Variants in FAM78B observed in about 807,000 individuals in gnomAD.
FAM78B encodes the protein protein FAM78B.
In FAM78B, 10 loss-of-function variants were observed where a neutral mutation model predicts 20.0. That is an observed-to-expected ratio of 0.50 (90% CI 0.31 to 0.85). FAM78B has a LOEUF of 0.85. Among genes scored for constraint, FAM78B ranks in the 40% least tolerant of loss-of-function variants. The pLI, the probability that FAM78B is intolerant of heterozygous loss-of-function variation, is 0.05. For missense variants in FAM78B, 283 were observed against 345.0 expected (o/e 0.82, Z 1.42); for synonymous variants, 135 against 132.8 (o/e 1.02, Z -0.12).
intron 1 of FAM78B, among the ~76,000 whole-genome samples, chr1:166,125,662 C>A (rs1257396764): frequency 6.6e-6 from 1 of 152,082 alleles, no homozygotes; most frequent in Non-Finnish European, 1.5e-5. Flanking sequence ...ATGCACAAAT[C>A]CCATATATAA....
intron 1 of FAM78B, among the ~76,000 whole-genome samples, chr1:166,159,922 C>T (rs1656078882): frequency 6.6e-6 from 1 of 152,230 alleles, no homozygotes; most frequent in South Asian, 2.1e-4. Flanking sequence ...AAAGGGTCAT[C>T]TCCCTTCCAA....
At chr1:166,072,201 C>G (rs1334804108) in intron 1 of FAM78B, among the ~76,000 whole-genome samples, 1 of 152,168 alleles carries the variant, frequency 6.6e-6, no homozygotes, top group African/African-American at 2.4e-5. Context: ...AGCACCCTTA[C>G]TATCACATGG....
At chr1:166,064,401 G>A (rs1651722418), downstream of FAM78B, among the ~76,000 whole-genome samples, 1 of 152,082 alleles carries the variant, frequency 6.6e-6, no homozygotes, top group East Asian at 1.9e-4. Flanking sequence ...AGCTGTTCCT[G>A]GCTGGCTTCT....
chr1:166,091,361 G>A (rs747343683), intron 1 of FAM78B, among the ~76,000 whole-genome samples: 9 of 152,056 alleles, frequency 5.9e-5, no homozygotes, highest in Non-Finnish European at 1.0e-4. Flanking sequence ...TGAATCATGG[G>A]GGCAGGTCTT....
intron 1 of FAM78B, among the ~76,000 whole-genome samples, chr1:166,133,828 G>T (rs1043000893): frequency 6.6e-6 from 1 of 152,048 alleles, no homozygotes; most frequent in East Asian, 1.9e-4. Flanking sequence ...GCCGTGTTTT[G>T]GAACTCCCAT....
intron 1 of FAM78B, among the ~76,000 whole-genome samples, chr1:166,130,215 T>G (rs983217861): frequency 6.6e-6 from 1 of 152,190 alleles, no homozygotes; most frequent in Non-Finnish European, 1.5e-5. Flanking sequence ...ACAGTAAATA[T>G]CAAGCCCATT....
intron 1 of FAM78B, among the ~76,000 whole-genome samples, chr1:166,114,456 G>A (rs527497990): frequency 6.6e-6 from 1 of 152,324 alleles, no homozygotes; most frequent in Non-Finnish European, 1.5e-5. Context: ...AGAAAGTTCT[G>A]TGTGAATACT....
chr1:166,137,809 C>G (rs1655123729), intron 1 of FAM78B, among the ~76,000 whole-genome samples: 1 of 152,208 alleles, frequency 6.6e-6, no homozygotes, highest in South Asian at 2.1e-4. Context: ...AGTAAGGAGT[C>G]TGGGCTCTAT....
chr1:166,071,079 A>C (rs1353416557), intron 1 of FAM78B, among the ~76,000 whole-genome samples: 3 of 152,234 alleles, frequency 2.0e-5, no homozygotes, highest in Admixed American at 2.0e-4. Flanking sequence ...TCAGCAGTTT[A>C]GAGGAATTCC....
chr1:166,074,812 G>A (rs1472533076), intron 1 of FAM78B, among the ~76,000 whole-genome samples: 10 of 152,272 alleles, frequency 6.6e-5, no homozygotes, highest in South Asian at 4.2e-4. Flanking sequence ...GTGACTACTC[G>A]TGCCATCATA....
chr1:166,085,194 C>T (rs1652775564), intron 1 of FAM78B, among the ~76,000 whole-genome samples: 1 of 152,160 alleles, frequency 6.6e-6, no homozygotes, highest in Admixed American at 6.5e-5. Context: ...TAGCACAGAA[C>T]ATCTGCAGTT....
chr1:166,084,205 CCACACACACACACACA>C (rs374157991), intron 1 of FAM78B, among the ~76,000 whole-genome samples: 2 of 121,074 alleles, frequency 1.7e-5, no homozygotes, highest in African/African-American at 3.2e-5. Context: ...GATGTAGAAA[CCACACACACACACACA>C]CACACACACA....
At chr1:166,142,024 G>A (rs1655298310) in intron 1 of FAM78B, among the ~76,000 whole-genome samples, 1 of 152,156 alleles carries the variant, frequency 6.6e-6, no homozygotes, top group South Asian at 2.1e-4. Flanking sequence ...AGAGGTCCCA[G>A]GTGTCCTTGC....
chr1:166,166,380 C>G lies in FAM78B; in HGVS notation c.-132G>C. ...GTCAGACTCAGCTCGCACCTAGGAG[C>G]GGGGAGCCGCCGGGCATCCTTGGGG... is the stretch of plus-strand genomic sequence containing the variant. On this transcript the variant is annotated 5_prime_UTR_variant, in exon 1 of 2. Transcript: ENST00000354422. 2 of 828,894 alleles carry G rather than the reference C, an allele frequency of 2.4e-6. No individual in the cohort carries two copies. The highest frequency in any genetic ancestry group is 2.9e-6 in the Non-Finnish European group (2 of 679,106). 51.3% of individuals were successfully genotyped at this position (828,894 alleles called of 1,614,324 possible).
intron 1 of FAM78B, among the ~76,000 whole-genome samples, chr1:166,131,469 A>G (rs1654876508): frequency 6.6e-6 from 1 of 152,154 alleles, no homozygotes; most frequent in Non-Finnish European, 1.5e-5. Context: ...AAGGAGAGCA[A>G]ACTACCTCAC....
chr1:166,094,007 G>C (rs951412792), intron 1 of FAM78B, among the ~76,000 whole-genome samples: 1 of 139,300 alleles, frequency 7.2e-6, no homozygotes, highest in African/African-American at 3.0e-5. Context: ...GAATGACTGT[G>C]TGTGTGTGTG....
intron 1 of FAM78B, among the ~76,000 whole-genome samples, chr1:166,117,678 A>C (rs1323783045): frequency 6.6e-6 from 1 of 152,214 alleles, no homozygotes; most frequent in Non-Finnish European, 1.5e-5. Flanking sequence ...GGTACATGGA[A>C]GGCACTGGAG....
At chr1:166,130,602 C>T (rs777192858) in intron 1 of FAM78B, among the ~76,000 whole-genome samples, 1 of 152,152 alleles carries the variant, frequency 6.6e-6, no homozygotes, top group Non-Finnish European at 1.5e-5. Context: ...ATACAGAGGA[C>T]AGCCCTCTGC....
At chr1:166,081,455 G>A (rs200873944) in intron 1 of FAM78B, among the ~76,000 whole-genome samples, 1 of 152,152 alleles carries the variant, frequency 6.6e-6, no homozygotes, top group Non-Finnish European at 1.5e-5. Context: ...GTTGACTTCC[G>A]ACTCCAATTC....
Sources: gnomAD v4.1 joint callset for allele counts (sites outside exome capture counted in the v4.1 genomes callset) on GRCh38, gnomAD v4.1.1 for gene constraint, MANE v1.5 for transcripts, NCBI Gene and HGNC (gene_info 2026-07-23, HGNC 2026-07-21) for gene names.